GFM2: variants seen among roughly 807,000 people sequenced by gnomAD.
The protein encoded by GFM2 is GTP dependent ribosome recycling factor mitochondrial 2.
In GFM2, 72 loss-of-function variants were observed where a neutral mutation model predicts 95.4. The ratio of observed to expected loss-of-function variants is 0.76; its 90% CI spans 0.62 to 0.92. The LOEUF is 0.92. Ranked by LOEUF, GFM2 falls within the 40% of genes least tolerant of loss-of-function variation. GFM2 has a pLI of 0.00. For synonymous variants in GFM2, 276 were observed against 317.5 expected, an observed-to-expected ratio of 0.87 and a Z score of 1.39; for missense variants, 825 against 924.1, an observed-to-expected ratio of 0.89 and a Z score of 1.39.
chr5:74,757,731 TAAAAAAAAA>T (rs35313753), intron 5 of GFM2, among the ~76,000 whole-genome samples: 1 of 89,168 alleles, frequency 1.1e-5, no homozygotes, highest in Non-Finnish European at 2.2e-5. Flanking sequence ...CCTATGTCTC[TAAAAAAAAA>T]AAAAAAAAAA....
chr5:74,763,423 AAAC>A (rs1175845097), intron 2 of GFM2, among the ~76,000 whole-genome samples: 8 of 152,332 alleles, frequency 5.3e-5, no homozygotes, highest in African/African-American at 1.2e-4. Context: ...CCTCCTTCAA[AAAC>A]AACTGGCATT....
In GFM2 at chr5:74,722,518, T is replaced by C. The variant is rs534968782; in HGVS notation, c.2072A>G (p.Asn691Ser). 4.5e-5 allele frequency: 73 copies of C among 1,613,788 alleles called. No individual in the cohort carries two copies. The highest frequency in any genetic ancestry group is 6.1e-5 in the Non-Finnish European group (72 of 1,179,882). ...ATCTCTAGCTACTGTAACCTCAAGATTCATCAGAGGCTCCAAAACTTGCTT... is the reference window on the plus strand; with the variant it reads ...ATCTCTAGCTACTGTAACCTCAAGACTCATCAGAGGCTCCAAAACTTGCTT... ...ADKQVLEPLM[N>S]LEVTVARDYL... is the part of the protein sequence containing the mutation. Residue 691 changes from asparagine (N) to serine (S), a missense_variant, in exon 20 of 21, where the codon AAT becomes AGT. Asn to Ser is a conservative substitution (Grantham distance 46). Coordinates refer to ENST00000296805, the MANE Select transcript of GFM2 (RefSeq NM_032380.5).
At chr5:74,733,175 T>C (rs1742662592) in intron 15 of GFM2, 77 bp from the exon 16 acceptor site, 1 of 1,065,222 alleles carries the variant, frequency 9.4e-7, no homozygotes, top group Admixed American at 1.8e-5. Context: ...GTAAAACAGA[T>C]GGATAAGCAA....
chr5:74,759,219 A>C (rs1744151321), intron 4 of GFM2, 150 bp downstream of exon 4: 1 of 639,356 alleles, frequency 1.6e-6, no homozygotes, highest in Non-Finnish European at 2.8e-6. Context: ...TAATTGAGAA[A>C]AAATAGCTAA....
rs115032438 is a variant in GFM2 at position 74,746,624 on chromosome 5, T to C, written c.609-459A>G. On this transcript the variant is annotated intron_variant, in intron 8 of 20. Transcript: ENST00000296805. ...GCATTCTTCACATCGTATGCTACGC[T>C]ATTCATTTCTATGCTAACACTGCAG... 3.6e-3 allele frequency among the ~76,000 whole-genome samples: 547 copies of C among 152,308 alleles called. 6 individuals carry two copies. Among genetic ancestry groups the C allele is most frequent in the African/African-American group, 0.013 (525 of 41,576 alleles).
At chr5:74,742,339 T>C (rs1378795742) in intron 10 of GFM2, among the ~76,000 whole-genome samples, 2 of 151,972 alleles carry the variant, frequency 1.3e-5, no homozygotes, top group African/African-American at 4.8e-5. Context: ...GCATTATATG[T>C]GATGGTTAAG....
intron 2 of GFM2, among the ~76,000 whole-genome samples, chr5:74,761,295 G>A (rs760905442): frequency 1.1e-4 from 17 of 152,198 alleles, no homozygotes; most frequent in Non-Finnish European, 2.1e-4. Flanking sequence ...ATCCAGACAA[G>A]AGAATCAGAA....
At chr5:74,762,238 G>A (rs1744320777) in intron 2 of GFM2, among the ~76,000 whole-genome samples, 1 of 152,126 alleles carries the variant, frequency 6.6e-6, no homozygotes, top group South Asian at 2.1e-4. Context: ...AGGGTTACAG[G>A]TTCTCCCATA....
chr5:74,740,102 C>T lies in GFM2; in HGVS notation c.966G>A (p.Gln322=). The change falls in exon 12 of 21, where the codon CAG becomes CAA. Residue 322 remains glutamine (Q), a synonymous_variant. Transcript: ENST00000296805. ...TTCCACAAAGCACAGGCACTGCTGT[C>T]TGAGCTAGTGTCACTCTATGTATTG... ...QTAIHRVTLA[Q]TAVPVLCGSA... 1 of 1,606,804 alleles carries T rather than the reference C, an allele frequency of 6.2e-7. No individual in the cohort carries two copies. The highest frequency in any genetic ancestry group is 8.5e-7 in the Non-Finnish European group (1 of 1,177,506).
intron 7 of GFM2, among the ~76,000 whole-genome samples, chr5:74,748,140 C>A (rs993087582): frequency 6.6e-6 from 1 of 152,168 alleles, no homozygotes; most frequent in Non-Finnish European, 1.5e-5. Context: ...TAGTAAATGT[C>A]ATATGACACT....
At chr5:74,737,858 C>A (rs1370259243) in intron 14 of GFM2, among the ~76,000 whole-genome samples, 1 of 152,142 alleles carries the variant, frequency 6.6e-6, no homozygotes, top group Non-Finnish European at 1.5e-5. Context: ...TATGCAAACA[C>A]TGATCTATGG....
intron 16 of GFM2, chr5:74,730,746 T>C (rs1251226795): frequency 6.1e-6 from 1 of 165,286 alleles, no homozygotes; most frequent in African/African-American, 2.4e-5. Flanking sequence ...AAGATGAATA[T>C]AATTGATGTG....
intron 16 of GFM2, among the ~76,000 whole-genome samples, chr5:74,732,128 A>ATTTTT (rs533165001): frequency 1.8e-3 from 150 of 85,364 alleles, no homozygotes; most frequent in East Asian, 2.4e-3. Flanking sequence ...CTAATTTTTA[A>ATTTTT]TTTTTTTTTT....
At chr5:74,736,764 C>T in intron 15 of GFM2, 32 bp downstream of exon 15, 4 of 1,612,198 alleles carry the variant, frequency 2.5e-6, no homozygotes, top group Non-Finnish European at 3.4e-6. Context: ...TATCAGCGCA[C>T]TAATTAGTTG....
In GFM2 at chr5:74,738,427, C is replaced by G. The variant is rs1027641865; in HGVS notation, c.1221-10G>C. 1 of 1,611,964 alleles carries G rather than the reference C, an allele frequency of 6.2e-7. No homozygotes were observed. Among genetic ancestry groups the G allele is most frequent in the Non-Finnish European group, 8.5e-7 (1 of 1,178,964 alleles). On this transcript the variant is annotated splice_polypyrimidine_tract_variant and intron_variant, in intron 13 of 20. Transcript: ENST00000296805. Reference sequence around the variant, plus strand: ...ACGACTTATTCTCTCCCTGTAAAATCACAATTTTATGTTAGTAAAAGTATT... The same window carrying G: ...ACGACTTATTCTCTCCCTGTAAAATGACAATTTTATGTTAGTAAAAGTATT...
At chr5:74,735,193 C>T (rs1742772951) in intron 15 of GFM2, among the ~76,000 whole-genome samples, 2 of 152,150 alleles carry the variant, frequency 1.3e-5, no homozygotes, top group African/African-American at 2.4e-5. Context: ...GTCCTCAAGG[C>T]ATTTAAAGTA....
intron 1 of GFM2, among the ~76,000 whole-genome samples, chr5:74,764,791 T>TG (rs1561267822): frequency 2.8e-5 from 4 of 141,070 alleles, no homozygotes; most frequent in African/African-American, 1.1e-4. Flanking sequence ...TTTTTTTTTT[T>TG]TTTTTTTTTT....
At chr5:74,725,776 G>T in intron 18 of GFM2, 21 bp from the exon 19 acceptor site, 4 of 1,555,242 alleles carry the variant, frequency 2.6e-6, no homozygotes, top group Non-Finnish European at 3.5e-6. Flanking sequence ...GAAAAAAATT[G>T]TATCATACTC....
At position 74,725,636 on chromosome 5, in the gene GFM2, A is replaced by G. The variant is rs1750109607; in HGVS notation, c.2028+4T>C. The G allele has an allele frequency of 6.3e-7, 1 of 1,590,626 alleles. No individual in the cohort carries two copies. The highest frequency in any genetic ancestry group is 8.6e-7 in the Non-Finnish European group (1 of 1,158,918). On this transcript the variant is annotated splice_donor_region_variant and intron_variant, in intron 19 of 20. Transcript: ENST00000296805. ...AAGCCATAAGGATTAGGATAGTTCT[A>G]TACCTTTTGCACGCATCTTGAGACA...
Sources: allele counts gnomAD v4.1 joint callset (sites outside exome capture counted in the v4.1 genomes callset), GRCh38; gene constraint gnomAD v4.1.1; transcripts MANE v1.5; gene names NCBI Gene and HGNC (gene_info 2026-07-23, HGNC 2026-07-21).